Variants in PLPP1 observed in about 807,000 individuals in gnomAD.
The protein encoded by PLPP1 is lipid phosphate phosphohydrolase 1a.
In PLPP1, 24 loss-of-function variants were observed where a neutral mutation model predicts 31.2. The ratio of observed to expected loss-of-function variants is 0.77; its 90% confidence interval spans 0.56 to 1.08. The LOEUF (loss-of-function observed/expected upper bound fraction) is 1.08. Ranked by LOEUF, PLPP1 falls within the 50% of genes least tolerant of loss-of-function variation. PLPP1 has a pLI of 0.00. For synonymous variants in PLPP1, 146 were observed against 126.3 expected, an observed-to-expected ratio of 1.16 and a Z score of -1.05; for missense variants, 319 against 342.7, an observed-to-expected ratio of 0.93 and a Z score of 0.55.
intron 3 of PLPP1, among the ~76,000 whole-genome samples, chr5:55,444,440 G>A (rs1441011731): frequency 6.6e-6 from 1 of 151,996 alleles, no homozygotes; most frequent in African/African-American, 2.4e-5. Context: ...CTATGGCCCT[G>A]GCCTAAGAAC....
chr5:55,490,144 CTTTTTTTTTTTT>C (rs896241457), intron 1 of PLPP1, among the ~76,000 whole-genome samples: 1 of 83,396 alleles, frequency 1.2e-5, no homozygotes, highest in Non-Finnish European at 2.4e-5. Context: ...CTTTTCTTTT[CTTTTTTTTTTTT>C]TTTTTTTTTT....
At chr5:55,530,459 G>C in intron 1 of PLPP1, 4 of 1,239,774 alleles carry the variant, frequency 3.2e-6, no homozygotes, top group Non-Finnish European at 4.8e-6. Context: ...TATTCTCTTG[G>C]TAAGTTTCTG....
intron 1 of PLPP1, among the ~76,000 whole-genome samples, chr5:55,507,529 T>C (rs1438394857): frequency 6.6e-6 from 1 of 152,316 alleles, no homozygotes; most frequent in African/African-American, 2.4e-5. Context: ...TTTTCAAAAA[T>C]GTTAATAGTA....
intron 3 of PLPP1, among the ~76,000 whole-genome samples, chr5:55,458,265 AAAAGC>A (rs1244003100): frequency 3.9e-5 from 6 of 152,324 alleles, no homozygotes; most frequent in Admixed American, 2.6e-4. Flanking sequence ...GTCAGCATGC[AAAAGC>A]TTGGATATTT....
intron 4 of PLPP1, among the ~76,000 whole-genome samples, chr5:55,432,108 T>TC (rs1751371984): frequency 2.7e-4 from 1 of 3,702 alleles, no homozygotes; most frequent in African/African-American, 4.4e-4. Context: ...CTTTTTTTTT[T>TC]TTTTTTTTTT....
At chr5:55,494,053 G>A (rs113857726) in intron 1 of PLPP1, among the ~76,000 whole-genome samples, 1 of 151,708 alleles carries the variant, frequency 6.6e-6, no homozygotes, top group Non-Finnish European at 1.5e-5. Context: ...TCCAAAGAAA[G>A]AAAAAGGATT....
At chr5:55,466,452 C>T (rs1330272459) in intron 3 of PLPP1, among the ~76,000 whole-genome samples, 1 of 152,154 alleles carries the variant, frequency 6.6e-6, no homozygotes, top group Non-Finnish European at 1.5e-5. Flanking sequence ...CCTATAATCC[C>T]AGCACTCTGG....
At chr5:55,449,390 A>G (rs927930131) in intron 3 of PLPP1, among the ~76,000 whole-genome samples, 1 of 152,222 alleles carries the variant, frequency 6.6e-6, no homozygotes, top group Non-Finnish European at 1.5e-5. Context: ...ATGGTTGTCA[A>G]AATATCTGAC....
intron 1 of PLPP1, among the ~76,000 whole-genome samples, chr5:55,512,910 A>C (rs1415755932): frequency 6.6e-6 from 1 of 152,266 alleles, no homozygotes; most frequent in Non-Finnish European, 1.5e-5. Flanking sequence ...AATAAATTTC[A>C]GAAGACAAGG....
chr5:55,524,581 G>A (rs13187837), intron 1 of PLPP1, among the ~76,000 whole-genome samples: 9,770 of 152,136 alleles, frequency 0.064, 358 homozygotes, highest in Non-Finnish European at 0.083. Flanking sequence ...GAGCCAAGAC[G>A]GGTGGATCAC....
intron 1 of PLPP1, among the ~76,000 whole-genome samples, chr5:55,495,419 T>C (rs1321831433): frequency 6.6e-6 from 1 of 152,134 alleles, no homozygotes; most frequent in Non-Finnish European, 1.5e-5. Context: ...CAGCATAGTC[T>C]GGCCATTCTT....
chr5:55,530,657 C>T (rs1740630063), intron 1 of PLPP1: 1 of 1,598,066 alleles, frequency 6.3e-7, no homozygotes, highest in Non-Finnish European at 8.6e-7. Flanking sequence ...AAAACTTCCT[C>T]ATTATATTTT....
chr5:55,528,538 G>GGACTCAGTGTCCATTAATC (rs1740551336), intron 1 of PLPP1, among the ~76,000 whole-genome samples: 3 of 152,256 alleles, frequency 2.0e-5, no homozygotes, highest in Non-Finnish European at 4.4e-5. Context: ...ATAAATTAAT[G>GGACTCAGTGTCCATTAATC]GACTCAGTGT....
At position 55,424,857 on chromosome 5, in the gene PLPP1, G is replaced by A; in HGVS notation, c.*349C>T. The A allele has an allele frequency of 1.1e-6, 1 of 941,214 alleles. No individual in the cohort carries two copies. Among genetic ancestry groups the A allele is most frequent in the Non-Finnish European group, 1.7e-6 (1 of 584,170 alleles). The allele number at this position is 941,214 out of a possible 1,614,324, so 58.3% of individuals were successfully genotyped here. ...TACAAATGCCTGCAAGTGTGGATTTGGTTCTCCCATACATTTTAATATGTA... is the reference window on the plus strand; with the variant it reads ...TACAAATGCCTGCAAGTGTGGATTTAGTTCTCCCATACATTTTAATATGTA... On this transcript the variant is annotated 3_prime_UTR_variant, in exon 6 of 6. Transcript: ENST00000307259.
At chr5:55,487,333 G>A (rs903070677) in intron 1 of PLPP1, among the ~76,000 whole-genome samples, 1 of 150,988 alleles carries the variant, frequency 6.6e-6, no homozygotes, top group African/African-American at 2.4e-5. Flanking sequence ...AAAAGTAAAT[G>A]TATAATGAAT....
intron 4 of PLPP1, among the ~76,000 whole-genome samples, chr5:55,427,487 G>GT (rs1561218360): frequency 2.0e-5 from 3 of 151,894 alleles, no homozygotes; most frequent in African/African-American, 7.3e-5. Context: ...TGTGAAAAAA[G>GT]TAAGTAGTCA....
intron 1 of PLPP1, among the ~76,000 whole-genome samples, chr5:55,485,361 G>C (rs537135407): frequency 1.5e-5 from 2 of 134,944 alleles, no homozygotes; most frequent in East Asian, 2.2e-4. Context: ...TCAGGTTAAC[G>C]GACAACCAAT....
At chr5:55,525,728 A>G (rs1002476112) in intron 1 of PLPP1, among the ~76,000 whole-genome samples, 1 of 152,200 alleles carries the variant, frequency 6.6e-6, no homozygotes, top group Non-Finnish European at 1.5e-5. Flanking sequence ...TGAAGGGAAG[A>G]TGAGCAGAAG....
In PLPP1 at chr5:55,450,547, C is replaced by T. The variant is rs1348630978; in HGVS notation, c.492-8639G>A. On this transcript the variant is annotated intron_variant, in intron 3 of 5. Coordinates refer to ENST00000307259, the MANE Select transcript of PLPP1 (RefSeq NM_003711.4). Reference sequence around the variant, plus strand: ...TGCTTCCAAACTCTCAGCAGGGAAACTTGGTGACTACTGTAACAGATGAGG... The same window carrying T: ...TGCTTCCAAACTCTCAGCAGGGAAATTTGGTGACTACTGTAACAGATGAGG... 2.0e-5 allele frequency among the ~76,000 whole-genome samples: 3 copies of T among 152,270 alleles called. No individual in the cohort carries two copies. In the South Asian group the frequency reaches 6.2e-4, roughly 32 times the overall value.
Sources: allele counts gnomAD v4.1 joint callset (sites outside exome capture counted in the v4.1 genomes callset), GRCh38; gene constraint gnomAD v4.1.1; transcripts MANE v1.5; gene names NCBI Gene and HGNC (gene_info 2026-07-23, HGNC 2026-07-21).